The following ASB15 variants were observed in gnomAD, a reference collection of about 807,000 sequenced individuals.
ASB15 encodes ankyrin repeat and SOCS box containing 15.
In ASB15, 54 loss-of-function variants were observed where a neutral mutation model predicts 58.0. The observed-to-expected ratio is 0.93, with a 90% confidence interval of 0.75 to 1.17. ASB15 has a LOEUF of 1.17. Ranked by LOEUF, ASB15 falls within the 50% of genes most tolerant of loss-of-function variation. The pLI is 0.00. For missense variants in ASB15, 680 were observed against 707.4 expected (o/e 0.96, Z 0.44); for synonymous variants, 249 against 262.4 (o/e 0.95, Z 0.50).
At chr7:123,584,262 T>C (rs2116329262) in intron 1 of ASB15, among the ~76,000 whole-genome samples, 1 of 142,026 alleles carries the variant, frequency 7.0e-6, no homozygotes, top group Admixed American at 7.6e-5. Flanking sequence ...CAGTGAGCTA[T>C]GATCGTGCCA....
intron 1 of ASB15, among the ~76,000 whole-genome samples, chr7:123,590,115 CT>C (rs1353478589): frequency 2.0e-5 from 3 of 152,112 alleles, no homozygotes; most frequent in Non-Finnish European, 2.9e-5. Flanking sequence ...GCATAAATGT[CT>C]TCTTTTGAGA....
At chr7:123,597,247 C>T (rs1031574018), upstream of ASB15, among the ~76,000 whole-genome samples, 58 of 152,148 alleles carry the variant, frequency 3.8e-4, no homozygotes, top group Middle Eastern at 3.2e-3. Context: ...GCATATGTCA[C>T]CAGCCTATCT....
Position 123,628,855 on chromosome 7 carries a change from T to C in ASB15, c.870-9T>C, listed in dbSNP as rs1801964600. 6.7e-7 allele frequency: 1 copy of C among 1,490,138 alleles called. No homozygotes were observed. The highest frequency in any genetic ancestry group is 1.4e-5 in the African/African-American group (1 of 71,092). 92.3% of individuals were successfully genotyped at this position (1,490,138 alleles called of 1,614,324 possible). A position where few individuals can be genotyped will look rare whatever the true frequency, so the allele number is the denominator to read the frequency against. ...TATGGCAAGTAGATATTTGACTTTT[T>C]TCTTTTAGTGCACTGAAATATCTTA... On this transcript the variant is annotated splice_polypyrimidine_tract_variant and intron_variant, in intron 9 of 11. Transcript: ENST00000451215.
chr7:123,572,833 T>C (rs952885184), intron 1 of ASB15, among the ~76,000 whole-genome samples: 1 of 152,128 alleles, frequency 6.6e-6, no homozygotes, highest in African/African-American at 2.4e-5. Context: ...ATTTTCCATC[T>C]TTTAAATTTA....
In ASB15 at chr7:123,592,365, A is replaced by C. The variant is rs747654818; in HGVS notation, c.-442-11667A>C. On this transcript the variant is annotated intron_variant, in intron 1 of 13. Coordinates refer to the ASB15 transcript ENST00000451558. Reference sequence around the variant, plus strand: ...TTTCTCTTGCTTCTCTAGTTCTTTTAATTGTGATGTTAGGGTGATTATTTT... The same window carrying C: ...TTTCTCTTGCTTCTCTAGTTCTTTTCATTGTGATGTTAGGGTGATTATTTT... Among the ~76,000 whole-genome samples, 197 of 151,984 alleles carry C rather than the reference A, an allele frequency of 1.3e-3. 1 individual carries two copies. The highest frequency in any genetic ancestry group is 2.3e-3 in the Non-Finnish European group (154 of 67,958).
upstream of ASB15, among the ~76,000 whole-genome samples, chr7:123,600,383 A>G (rs2116402400): frequency 6.6e-6 from 1 of 152,322 alleles, no homozygotes; most frequent in South Asian, 2.1e-4. Flanking sequence ...TACCATCATT[A>G]GTTTAAGAGC....
Position 123,638,113 on chromosome 7 carries a change from G to A in ASB15, c.*1132G>A, listed in dbSNP as rs965039780. On this transcript the variant is annotated 3_prime_UTR_variant, in exon 12 of 12. Transcript: ENST00000451215. The stretch of plus-strand genomic sequence containing the variant: ...AAGTCTATTATCTTCTTTTTCCTGG[G>A]ATAATACAATGCTGCTTATCTGGCT... The A allele has an allele frequency of 7.9e-5, 12 of 152,004 alleles. No individual in the cohort carries two copies. The highest frequency in any genetic ancestry group is 2.9e-4 in the African/African-American group (12 of 41,372). The allele number at this position is 152,004 out of a possible 1,614,324, so 9.4% of individuals were successfully genotyped here.
At chr7:123,593,714 T>C (rs1157060356) in intron 1 of ASB15, among the ~76,000 whole-genome samples, 1 of 152,196 alleles carries the variant, frequency 6.6e-6, no homozygotes, top group Non-Finnish European at 1.5e-5. Context: ...CTTAACATTT[T>C]TTCCTTCATT....
chr7:123,609,828 A>G (rs1800344939), intron 3 of ASB15, among the ~76,000 whole-genome samples: 1 of 152,208 alleles, frequency 6.6e-6, no homozygotes, highest in Admixed American at 6.5e-5. Context: ...GAGGCAGTTT[A>G]GCAAAACTGA....
At position 123,638,687 on chromosome 7, in the gene ASB15, G is replaced by A. The variant is rs1802528203; in HGVS notation, c.*1706G>A. 2 of 152,154 alleles carry A rather than the reference G, an allele frequency of 1.3e-5. No homozygotes were observed. The highest frequency in any genetic ancestry group is 4.8e-5 in the African/African-American group (2 of 41,396). The allele number at this position is 152,154 out of a possible 1,614,324, so 9.4% of individuals were successfully genotyped here. On this transcript the variant is annotated 3_prime_UTR_variant, in exon 12 of 12. Transcript: ENST00000451215. ...GACCATGCTCTCTTTTAACCTCAGGGTCTTCGCATTTCCTTCTCTCATCTG... is the reference window on the plus strand; with the variant it reads ...GACCATGCTCTCTTTTAACCTCAGGATCTTCGCATTTCCTTCTCTCATCTG...
intron 1 of ASB15, among the ~76,000 whole-genome samples, chr7:123,574,734 A>G (rs1231859941): frequency 6.6e-6 from 1 of 152,142 alleles, no homozygotes; most frequent in Non-Finnish European, 1.5e-5. Flanking sequence ...TACTTTGTTC[A>G]AAAGATCTTA....
chr7:123,632,427 T>TA (rs1802171315), intron 11 of ASB15, among the ~76,000 whole-genome samples: 1 of 152,194 alleles, frequency 6.6e-6, no homozygotes, highest in African/African-American at 2.4e-5. Flanking sequence ...AAGAAATAGA[T>TA]AAAAGGATTT....
intron 7 of ASB15, among the ~76,000 whole-genome samples, chr7:123,623,947 GAAAGAA>G (rs1292317478): frequency 1.3e-5 from 1 of 78,632 alleles, no homozygotes; most frequent in Non-Finnish European, 2.9e-5. Flanking sequence ...AAGAAAGAAA[GAAAGAA>G]AGAAAGAAAG....
At chr7:123,619,419 T>G (rs1355427233) in intron 7 of ASB15, among the ~76,000 whole-genome samples, 1 of 152,144 alleles carries the variant, frequency 6.6e-6, no homozygotes, top group Non-Finnish European at 1.5e-5. Context: ...CTCTTGGAGA[T>G]TGCCTTGAGG....
chr7:123,571,919 A>G (rs1036983567), intron 1 of ASB15, among the ~76,000 whole-genome samples: 1 of 151,568 alleles, frequency 6.6e-6, no homozygotes, highest in African/African-American at 2.4e-5. Flanking sequence ...ACAGGCATGC[A>G]CCATCATGCC....
At chr7:123,613,691 T>C (rs1800606037) in intron 3 of ASB15, among the ~76,000 whole-genome samples, 1 of 152,148 alleles carries the variant, frequency 6.6e-6, no homozygotes, top group Non-Finnish European at 1.5e-5. Context: ...CTTATAACAA[T>C]GTTCAAATGA....
chr7:123,601,981 T>C (rs1037046414), intron 1 of ASB15, 67 bp downstream of exon 1: 6 of 152,180 alleles, frequency 3.9e-5, no homozygotes, highest in Admixed American at 3.9e-4. Context: ...TTATTGGTAA[T>C]ATTTTAAACA....
intron 1 of ASB15, among the ~76,000 whole-genome samples, chr7:123,594,325 G>T (rs1397678452): frequency 6.6e-6 from 1 of 152,038 alleles, no homozygotes; most frequent in African/African-American, 2.4e-5. Flanking sequence ...TCCCTTGCTG[G>T]CAAGGAGTTG....
At position 123,616,433 on chromosome 7, in the gene ASB15, G is replaced by A; in HGVS notation, c.230G>A (p.Trp77Ter). The A allele has an allele frequency of 6.2e-7, 1 of 1,609,332 alleles. No homozygotes were observed. Among genetic ancestry groups the A allele is most frequent in the Non-Finnish European group, 8.5e-7 (1 of 1,175,974 alleles). ...YAMDEADEKG[W>*]FPLHEAVVQP... ...ATGGATGAAGCTGATGAAAAAGGAT[G>A]GTTTCCATTGCATGAAGCTGTTGTT... The change falls in exon 6 of 12, where the codon TGG becomes TAG. Residue 77 changes from tryptophan to a stop codon, truncating the protein, a stop_gained. Transcript: ENST00000451215. LOFTEE classifies it high-confidence loss of function.
Sources: allele counts gnomAD v4.1 joint callset (sites outside exome capture counted in the v4.1 genomes callset), GRCh38; gene constraint gnomAD v4.1.1; transcripts MANE v1.5; gene names NCBI Gene and HGNC (gene_info 2026-07-23, HGNC 2026-07-21).